TBC1D7: variants seen among roughly 807,000 people sequenced by gnomAD.
TBC1D7 encodes TBC1 domain family member 7.
TBC1D7 carries 33 observed loss-of-function variants against 35.3 expected under a neutral mutation model. That is an observed-to-expected ratio of 0.93 (90% CI 0.71 to 1.25). The LOEUF is 1.25. TBC1D7 is among the 50% of genes most tolerant of loss of function. TBC1D7 has a pLI of 0.00. For synonymous variants in TBC1D7, 135 were observed against 129.5 expected (o/e 1.04, Z -0.29); for missense variants, 362 against 365.3 (o/e 0.99, Z 0.07).
At chr6:13,313,848 A>G (rs994687817) in intron 5 of TBC1D7, among the ~76,000 whole-genome samples, 3 of 152,230 alleles carry the variant, frequency 2.0e-5, no homozygotes, top group African/African-American at 7.2e-5. Context: ...ACAGGAAGTC[A>G]GGACTGAAAA....
At position 13,316,689 on chromosome 6, in the gene TBC1D7, A is replaced by C; in HGVS notation, c.401T>G (p.Phe134Cys). The change falls in exon 5 of 8, where the codon TTT becomes TGT. Residue 134 changes from phenylalanine to cysteine, a missense_variant. Phe to Cys is a radical substitution (Grantham distance 205). Coordinates refer to ENST00000379300, the MANE Select transcript of TBC1D7 (RefSeq NM_016495.6). ...CTCCATGGCTTTAGCTATGGCAAGA[A>C]ACACTTCATCATCTGGCTCCTGAAA... is the stretch of plus-strand genomic sequence containing the variant. The part of the protein sequence containing the change: ...SFPLEPDDEV[F>C]LAIAKAMEEM... The C allele has an allele frequency of 6.2e-7, 1 of 1,614,152 alleles. No individual in the cohort carries two copies. The highest frequency in any genetic ancestry group is 8.5e-7 in the Non-Finnish European group (1 of 1,179,998).
Position 13,316,698 on chromosome 6 carries a change from T to A in TBC1D7, c.392A>T (p.Asp131Val), listed in dbSNP as rs1312708674. 1.2e-6 allele frequency: 2 copies of A among 1,613,858 alleles called. No homozygotes were observed. The highest frequency in any genetic ancestry group is 1.1e-5 in the South Asian group (1 of 91,006). ...RSPSFPLEPD[D>V]EVFLAIAKAM... The stretch of plus-strand genomic sequence containing the variant: ...TTTAGCTATGGCAAGAAACACTTCA[T>A]CATCTGGCTCCTGAAAGATTAATAA... The change falls in exon 5 of 8, where the codon GAT becomes GTT. Residue 131 changes from aspartate (D) to valine (V), a missense_variant. Asp to Val is a radical substitution (Grantham distance 152). Coordinates refer to ENST00000379300, the MANE Select transcript of TBC1D7 (RefSeq NM_016495.6).
chr6:13,313,638 T>A (rs2439546), intron 5 of TBC1D7, among the ~76,000 whole-genome samples: 1 of 151,940 alleles, frequency 6.6e-6, no homozygotes, highest in African/African-American at 2.4e-5. Flanking sequence ...AGAGCAAATT[T>A]GTAACAGGAA....
Position 13,305,114 on chromosome 6 carries a change from A to T in TBC1D7, c.869T>A (p.Val290Asp). ...DLWHKHCGTP[V>D]HSS is the part of the protein sequence containing the mutation. ...CAGCGGGTGCGTTCAGCTTGAATGG[A>T]CCGGGGTCCCACAGTGTTTGTGCCA... is the stretch of plus-strand genomic sequence containing the variant. The change falls in exon 8 of 8, where the codon GTC becomes GAC. Residue 290 changes from valine to aspartate, a missense_variant. By Grantham distance (152) the Val-to-Asp change is radical (BLOSUM62 -3). Coordinates refer to ENST00000379300, the MANE Select transcript of TBC1D7 (RefSeq NM_016495.6). 6.2e-7 allele frequency: 1 copy of T among 1,612,916 alleles called. No individual in the cohort carries two copies.
chr6:13,306,719 C>G (rs1782832631), intron 6 of TBC1D7, 192 bp from the exon 7 acceptor site: 2 of 399,530 alleles, frequency 5.0e-6, no homozygotes, highest in Non-Finnish European at 8.8e-6. Context: ...TAGATACAAT[C>G]AGCACTAGAA....
chr6:13,326,279 A>G (rs1459277050), intron 2 of TBC1D7, among the ~76,000 whole-genome samples: 1 of 152,178 alleles, frequency 6.6e-6, no homozygotes. Flanking sequence ...CCTGGCCAAC[A>G]TGGTGAAATC....
At chr6:13,317,315 A>C (rs1783704249) in intron 4 of TBC1D7, among the ~76,000 whole-genome samples, 2 of 152,248 alleles carry the variant, frequency 1.3e-5, no homozygotes, top group Admixed American at 1.3e-4. Context: ...ACTCTCAGGT[A>C]AATTTCAACA....
chr6:13,324,874 T>C (rs991367198), intron 3 of TBC1D7, among the ~76,000 whole-genome samples: 3 of 152,242 alleles, frequency 2.0e-5, no homozygotes, highest in Admixed American at 6.5e-5. Context: ...CCTACTCCAA[T>C]GCTCTTCCCA....
chr6:13,325,116 T>A lies in TBC1D7; in HGVS notation c.171A>T (p.Ala57=). 6.2e-7 allele frequency: 1 copy of A among 1,613,512 alleles called. No homozygotes were observed. The highest frequency in any genetic ancestry group is 8.5e-7 in the Non-Finnish European group (1 of 1,179,640). Residue 57 remains alanine (A), a synonymous_variant, in exon 3 of 8, where the codon GCA becomes GCT. Transcript: ENST00000379300. Reference sequence around the variant, plus strand: ...TACCTAGAAGCACCTTCCATACCAATGCACGGTACATGGACGGGAGAGGGA... The same window carrying A: ...TACCTAGAAGCACCTTCCATACCAAAGCACGGTACATGGACGGGAGAGGGA... ...QRFPLPSMYR[A]LVWKVLLGIL...
At chr6:13,327,110 C>A (rs960808712) in intron 1 of TBC1D7, 2 of 416,206 alleles carry the variant, frequency 4.8e-6, no homozygotes, top group Non-Finnish European at 8.5e-6. Flanking sequence ...TGGCTAAAAA[C>A]CAAGATATAA....
In TBC1D7 at chr6:13,320,911, T is replaced by A. The variant is rs1783991876; in HGVS notation, c.378A>T (p.Pro126=). The part of the protein sequence containing the change: ...SGKLPRSPSF[P]LEPDDEVFLA... The stretch of plus-strand genomic sequence containing the variant: ...TCAGACAAAAGTGACCACTAACCAG[T>A]GGAAAAGAGGGACTTCGAGGTAACT... The change falls in exon 4 of 8, where the codon CCA becomes CCT. Residue 126 remains proline, a synonymous_variant. Coordinates refer to ENST00000379300, the MANE Select transcript of TBC1D7 (RefSeq NM_016495.6). The A allele has an allele frequency of 1.9e-6, 3 of 1,613,900 alleles. No homozygotes were observed. In the Admixed American group the frequency reaches 5.0e-5, roughly 27 times the overall value.
rs1271207967 is a variant in TBC1D7, at chr6:13,307,596, T to C, written c.665+4A>G. On this transcript the variant is annotated splice_donor_region_variant and intron_variant, in intron 6 of 7. Transcript: ENST00000379300. Reference sequence around the variant, plus strand: ...TTCAATATGTCTTCGAAAGACCTACTTGCCTCTGTAAACTGGATTCAGGCA... The same window carrying C: ...TTCAATATGTCTTCGAAAGACCTACCTGCCTCTGTAAACTGGATTCAGGCA... 7 of 1,613,972 alleles carry C rather than the reference T, an allele frequency of 4.3e-6. No homozygotes were observed. Among genetic ancestry groups the C allele is most frequent in the African/African-American group, 1.3e-5 (1 of 74,926 alleles).
chr6:13,315,658 A>G (rs903540030), intron 5 of TBC1D7, among the ~76,000 whole-genome samples: 5 of 152,252 alleles, frequency 3.3e-5, no homozygotes, highest in Non-Finnish European at 7.3e-5. Flanking sequence ...CAGAGGTTGC[A>G]GTGAGCCGAG....
In TBC1D7 at chr6:13,305,141, A is replaced by C. The variant is rs138446159; in HGVS notation, c.842T>G (p.Leu281Trp). 2 of 1,613,974 alleles carry C rather than the reference A, an allele frequency of 1.2e-6. No homozygotes were observed. Among genetic ancestry groups the C allele is most frequent in the Non-Finnish European group, 1.7e-6 (2 of 1,179,948 alleles). ...CGGGGTCCCACAGTGTTTGTGCCAC[A>C]AGTCAATGGCCTTGCTCACGATCGC... ...SDAIVSKAID[L>W]WHKHCGTPVH... is the part of the protein sequence containing the mutation. The change falls in exon 8 of 8, where the codon TTG becomes TGG. Residue 281 changes from leucine (L) to tryptophan (W), a missense_variant. Transcript: ENST00000379300.
At chr6:13,319,689 G>A (rs182163199) in intron 4 of TBC1D7, 26 of 152,096 alleles carry the variant, frequency 1.7e-4, no homozygotes, top group Admixed American at 1.6e-3. Context: ...GAGGACACTG[G>A]GTGAAGGTAT....
intron 4 of TBC1D7, among the ~76,000 whole-genome samples, chr6:13,317,389 T>C (rs1346535850): frequency 6.6e-6 from 1 of 152,178 alleles, no homozygotes; most frequent in Non-Finnish European, 1.5e-5. Flanking sequence ...CACCATATCA[T>C]ATACAAAAAG....
chr6:13,313,102 T>A (rs1041744856), intron 5 of TBC1D7, among the ~76,000 whole-genome samples: 10 of 152,334 alleles, frequency 6.6e-5, no homozygotes, highest in African/African-American at 2.4e-4. Context: ...GGAAGAGATG[T>A]GTAGGTTATA....
intron 4 of TBC1D7, among the ~76,000 whole-genome samples, chr6:13,317,723 C>T (rs1433126143): frequency 6.6e-6 from 1 of 152,110 alleles, no homozygotes; most frequent in African/African-American, 2.4e-5. Context: ...CTTGGCACCC[C>T]GAAAGGTGGC....
intron 5 of TBC1D7, among the ~76,000 whole-genome samples, chr6:13,313,233 C>T (rs377008882): frequency 3.3e-5 from 5 of 152,116 alleles, no homozygotes; most frequent in African/African-American, 1.2e-4. Context: ...ATACCAATAA[C>T]TCTTACAAAG....
Sources: gnomAD v4.1 joint callset for allele counts (sites outside exome capture counted in the v4.1 genomes callset) on GRCh38, gnomAD v4.1.1 for gene constraint, MANE v1.5 for transcripts, NCBI Gene and HGNC (gene_info 2026-07-23, HGNC 2026-07-21) for gene names.